Variants in RAD51B observed in about 807,000 individuals in gnomAD.
RAD51B encodes the protein RAD51 paralog B.
Under a neutral mutation model 42.2 loss-of-function variants are expected in RAD51B, and 38 were observed. The ratio of observed to expected loss-of-function variants is 0.90; its 90% CI spans 0.70 to 1.18. The LOEUF is 1.18. Ranked by LOEUF, RAD51B falls within the 50% of genes most tolerant of loss-of-function variation. The probability of loss-of-function intolerance (pLI) is 0.00; values close to 1 mark genes in which losing one functional copy is unlikely to be tolerated. For missense variants in RAD51B, 373 were observed against 400.7 expected (o/e 0.93, Z 0.59); for synonymous variants, 154 against 145.2 (o/e 1.06, Z -0.43).
At position 68,468,481 on chromosome 14, in the gene RAD51B, A is replaced by G. The variant is rs188483010; in HGVS notation, c.1036+231A>G. On this transcript the variant is annotated intron_variant, in intron 10 of 10. Coordinates refer to ENST00000471583, the MANE Select transcript of RAD51B (RefSeq NM_133510.4). The stretch of plus-strand genomic sequence containing the variant: ...AAGGAGACCTACAGAATTTCCTAAC[A>G]GAATGAGACAATCAAAACATGAGGA... 9.1e-4 allele frequency: 533 copies of G among 582,936 alleles called. 1 individual carries two copies. Among genetic ancestry groups the G allele is most frequent in the South Asian group, 3.2e-3 (196 of 60,370 alleles). 36.1% of individuals were successfully genotyped at this position (582,936 alleles called of 1,614,324 possible). A position where few individuals can be genotyped will look rare whatever the true frequency, so the allele number is the denominator to read the frequency against.
At position 68,470,337 on chromosome 14, in the gene RAD51B, A is replaced by G. The variant is rs142879847; in HGVS notation, c.1036+2087A>G. On this transcript the variant is annotated intron_variant, in intron 10 of 10. Coordinates refer to ENST00000471583, the MANE Select transcript of RAD51B (RefSeq NM_133510.4). ...TGGAACACCTCTGCTTTTACCAGCA[A>G]TGCCCTTGAAAACAAACCTCTTGGC... 5.8e-3 allele frequency among the ~76,000 whole-genome samples: 883 copies of G among 152,288 alleles called. 7 individuals are homozygous for G. The highest frequency in any genetic ancestry group is 0.018 in the African/African-American group (763 of 41,550).
intron 9 of RAD51B, among the ~76,000 whole-genome samples, chr14:68,426,602 C>G (rs918914688): frequency 2.6e-5 from 4 of 151,938 alleles, no homozygotes; most frequent in Admixed American, 2.6e-4. Flanking sequence ...TAACTGCATA[C>G]AGTAAAATGA....
chr14:68,365,427 G>A (rs1401193765), intron 8 of RAD51B, among the ~76,000 whole-genome samples: 9 of 152,198 alleles, frequency 5.9e-5, no homozygotes, highest in East Asian at 1.9e-4. Flanking sequence ...GCTTACATGC[G>A]TAAACATTAT....
At position 68,371,056 on chromosome 14, in the gene RAD51B, G is replaced by GAA. The variant is rs869154803; in HGVS notation, c.854-40362_854-40361dup. ...TGTCTCAAAAAAAAAAAAAAAAAAAGAAAAAAAGAAAAGAAAATTAAAAAA... is the reference window on the plus strand; with the variant it reads ...TGTCTCAAAAAAAAAAAAAAAAAAAGAAAAAAAAAGAAAAGAAAATTAAAAAA... On this transcript the variant is annotated intron_variant, in intron 8 of 10. Transcript: ENST00000471583. Among the ~76,000 whole-genome samples, 37 of 90,676 alleles carry GAA rather than the reference G, an allele frequency of 4.1e-4. No individual in the cohort carries two copies. In the South Asian group the frequency reaches 0.011, roughly 26 times the overall value. The allele number at this position is 90,676 out of a possible 152,430, so 59.5% of individuals were successfully genotyped here. A position where few individuals can be genotyped will look rare whatever the true frequency, so the allele number is the denominator to read the frequency against.
At chr14:67,823,248 G>A (rs2040695135) in intron 1 of RAD51B, among the ~76,000 whole-genome samples, 1 of 152,194 alleles carries the variant, frequency 6.6e-6, no homozygotes, top group African/African-American at 2.4e-5. Context: ...CAAATGTGAA[G>A]TGGTACTATA....
At chr14:68,120,694 A>C (rs2077634989) in intron 7 of RAD51B, among the ~76,000 whole-genome samples, 1 of 151,842 alleles carries the variant, frequency 6.6e-6, no homozygotes, top group Non-Finnish European at 1.5e-5. Flanking sequence ...TGGAAGTCTC[A>C]ACTTTAAGTA....
At chr14:68,275,299 G>A (rs554959323) in intron 7 of RAD51B, among the ~76,000 whole-genome samples, 3 of 152,274 alleles carry the variant, frequency 2.0e-5, no homozygotes, top group Non-Finnish European at 2.9e-5. Context: ...TTATATGAAA[G>A]TAACATTCTT....
At chr14:68,535,774 A>G (rs1210902163) in intron 10 of RAD51B, among the ~76,000 whole-genome samples, 1 of 152,214 alleles carries the variant, frequency 6.6e-6, no homozygotes, top group African/African-American at 2.4e-5. Context: ...GGATAGTACC[A>G]CTATTTCTGT....
chr14:68,591,234 G>A (rs927052339), intron 10 of RAD51B, among the ~76,000 whole-genome samples: 4 of 152,222 alleles, frequency 2.6e-5, no homozygotes, highest in Non-Finnish European at 5.9e-5. Flanking sequence ...GGGACAGTGG[G>A]AAATGGAAGC....
intron 7 of RAD51B, among the ~76,000 whole-genome samples, chr14:68,245,381 C>T (rs1476983896): frequency 6.6e-6 from 1 of 152,114 alleles, no homozygotes; most frequent in African/African-American, 2.4e-5. Flanking sequence ...ATGTCGGGGC[C>T]CTGGGTTCCT....
At chr14:68,177,690 T>C (rs764027113) in intron 7 of RAD51B, among the ~76,000 whole-genome samples, 11 of 151,682 alleles carry the variant, frequency 7.3e-5, no homozygotes, top group Non-Finnish European at 7.4e-5. Flanking sequence ...TAGCCTAAGC[T>C]CCTGGAAACA....
chr14:68,593,709 G>T (rs2140082496), intron 10 of RAD51B, among the ~76,000 whole-genome samples: 1 of 152,278 alleles, frequency 6.6e-6, no homozygotes, highest in South Asian at 2.1e-4. Flanking sequence ...GTCTAATTAT[G>T]GGCACAAAGA....
At chr14:68,194,301 T>G (rs906514434) in intron 7 of RAD51B, among the ~76,000 whole-genome samples, 17 of 152,324 alleles carry the variant, frequency 1.1e-4, no homozygotes, top group African/African-American at 4.1e-4. Context: ...TAGGAGATGT[T>G]TGTTTTAATT....
chr14:68,065,705 T>A (rs916729667), intron 7 of RAD51B, among the ~76,000 whole-genome samples: 1 of 152,120 alleles, frequency 6.6e-6, no homozygotes, highest in Non-Finnish European at 1.5e-5. Context: ...GTGGCTGGGA[T>A]TGAGGTGCTG....
chr14:68,591,433 T>C (rs1221814429), intron 10 of RAD51B, among the ~76,000 whole-genome samples: 1 of 152,236 alleles, frequency 6.6e-6, no homozygotes, highest in Non-Finnish European at 1.5e-5. Context: ...TTTCCATCTC[T>C]AAATAAATCC....
chr14:67,826,617 A>C (rs1350329769), intron 3 of RAD51B, among the ~76,000 whole-genome samples: 2 of 152,238 alleles, frequency 1.3e-5, no homozygotes, highest in Non-Finnish European at 2.9e-5. Context: ...GGGAGAAGGA[A>C]GGAATGTTAG....
At chr14:68,023,932 C>T (rs540861277) in intron 7 of RAD51B, among the ~76,000 whole-genome samples, 19 of 152,302 alleles carry the variant, frequency 1.2e-4, no homozygotes, top group African/African-American at 4.1e-4. Context: ...AGGTTGATAT[C>T]AAGAAAGTTA....
intron 7 of RAD51B, among the ~76,000 whole-genome samples, chr14:68,198,951 C>T (rs2079428257): frequency 6.6e-6 from 1 of 152,118 alleles, no homozygotes; most frequent in Non-Finnish European, 1.5e-5. Context: ...TTATATTGAG[C>T]TAGTTTTCTG....
intron 10 of RAD51B, among the ~76,000 whole-genome samples, chr14:68,487,999 A>C (rs1468395473): frequency 6.6e-6 from 1 of 152,100 alleles, no homozygotes; most frequent in Admixed American, 6.5e-5. Context: ...GCTGGCCAAG[A>C]AATGCAAGTA....
Sources: allele counts gnomAD v4.1 joint callset (sites outside exome capture counted in the v4.1 genomes callset), GRCh38; gene constraint gnomAD v4.1.1; transcripts MANE v1.5; gene names NCBI Gene and HGNC (gene_info 2026-07-23, HGNC 2026-07-21).